Variants in ANO3 observed in about 807,000 individuals in gnomAD.
The protein encoded by ANO3 is anoctamin-3.
A neutral mutation model predicts 144.8 loss-of-function variants in ANO3; 99 were observed. The observed-to-expected ratio is 0.68, with a 90% CI of 0.58 to 0.81. ANO3 has a LOEUF of 0.81. Ranked by LOEUF, ANO3 falls within the 30% of genes least tolerant of loss-of-function variation. The pLI is 0.00. For missense variants in ANO3, 905 were observed against 1,202.2 expected (o/e 0.75, Z 3.66); for synonymous variants, 414 against 392.6 (o/e 1.05, Z -0.64).
chr11:26,627,219 G>T (rs947354562), intron 18 of ANO3, among the ~76,000 whole-genome samples: 1 of 151,956 alleles, frequency 6.6e-6, no homozygotes, highest in Admixed American at 6.6e-5. Context: ...GTTGGATATA[G>T]CAATGAACAT....
intron 1 of ANO3, among the ~76,000 whole-genome samples, chr11:26,422,538 T>C (rs1857783018): frequency 6.6e-6 from 1 of 152,004 alleles, no homozygotes; most frequent in African/African-American, 2.4e-5. Flanking sequence ...TTGCATTAAA[T>C]GTTACTTTAG....
intron 1 of ANO3, among the ~76,000 whole-genome samples, chr11:26,436,005 A>ATG (rs892049737): frequency 6.6e-6 from 1 of 151,824 alleles, no homozygotes; most frequent in African/African-American, 2.4e-5. Flanking sequence ...GTTCTTTCTT[A>ATG]TGTGTGTGTG....
chr11:26,443,717 G>A (rs1858609291), intron 2 of ANO3, 48 bp from the exon 3 acceptor site: 1 of 982,996 alleles, frequency 1.0e-6, no homozygotes. Context: ...TTTTTCTGTT[G>A]TTATGCTTTT....
At chr11:26,577,786 A>G (rs925782854) in intron 14 of ANO3, among the ~76,000 whole-genome samples, 2 of 152,202 alleles carry the variant, frequency 1.3e-5, no homozygotes, top group Non-Finnish European at 2.9e-5. Flanking sequence ...ACAAACTGAA[A>G]CAAGAGCTAG....
chr11:26,594,977 G>A (rs926061541), intron 14 of ANO3, among the ~76,000 whole-genome samples: 1 of 152,092 alleles, frequency 6.6e-6, no homozygotes, highest in Non-Finnish European at 1.5e-5. Context: ...TAGCGTATGA[G>A]GGTCAAATTG....
At chr11:26,228,337 T>C (rs1852299541) in intron 1 of ANO3, among the ~76,000 whole-genome samples, 1 of 152,238 alleles carries the variant, frequency 6.6e-6, no homozygotes, top group African/African-American at 2.4e-5. Flanking sequence ...AGTTTTAAAA[T>C]TGGACTGGCA....
At chr11:26,350,194 G>T (rs1855607801) in intron 1 of ANO3, among the ~76,000 whole-genome samples, 1 of 152,098 alleles carries the variant, frequency 6.6e-6, no homozygotes, top group African/African-American at 2.4e-5. Context: ...TCTTTAGGAG[G>T]ACTGTGGGTA....
At chr11:26,488,732 A>G (rs995329353) in intron 4 of ANO3, among the ~76,000 whole-genome samples, 1 of 152,194 alleles carries the variant, frequency 6.6e-6, no homozygotes, top group African/African-American at 2.4e-5. Flanking sequence ...TACAGCTTGT[A>G]AAGGTAGTGT....
At chr11:26,413,213 A>C (rs1238876592) in intron 1 of ANO3, among the ~76,000 whole-genome samples, 1 of 152,038 alleles carries the variant, frequency 6.6e-6, no homozygotes, top group East Asian at 1.9e-4. Flanking sequence ...GAAATGAAGG[A>C]AACGCTGCCT....
At chr11:26,436,860 T>C (rs557641059) in intron 1 of ANO3, among the ~76,000 whole-genome samples, 2 of 152,180 alleles carry the variant, frequency 1.3e-5, no homozygotes, top group South Asian at 4.2e-4. Flanking sequence ...GGGGTGGTTA[T>C]AGACCTCAGT....
chr11:26,298,609 A>G (rs963985741), intron 1 of ANO3, among the ~76,000 whole-genome samples: 7 of 152,262 alleles, frequency 4.6e-5, no homozygotes, highest in African/African-American at 1.7e-4. Context: ...TAAACAAAGG[A>G]GTTGTATTAG....
intron 8 of ANO3, 124 bp from the exon 9 acceptor site, chr11:26,534,332 T>G (rs1849448994): frequency 1.8e-6 from 1 of 552,518 alleles, no homozygotes; most frequent in Non-Finnish European, 3.2e-6. Flanking sequence ...AATTTTTTTT[T>G]AAAGAGGATG....
intron 24 of ANO3, 94 bp downstream of exon 24, chr11:26,647,950 G>T: frequency 8.0e-7 from 1 of 1,242,690 alleles, no homozygotes; most frequent in East Asian, 2.5e-5. Flanking sequence ...ACCATTAAGG[G>T]TGGTGTTTCT....
chr11:26,564,722 CACACACACACATATATATATATATATAT>C lies in ANO3; in HGVS notation c.1447+4945_1447+4972del, dbSNP rs1478249311. On this transcript the variant is annotated intron_variant, in intron 14 of 26. Transcript: ENST00000256737. Reference sequence around the variant, plus strand: ...ACACACACACACACACACACACACACACACACACACATATATATATATATATATATATATATATATATATATATATATA... The same window carrying C: ...ACACACACACACACACACACACACACATATATATATATATATATATATATA... Among the ~76,000 whole-genome samples the C allele has an allele frequency of 9.6e-3, 643 of 66,820 alleles. 2 individuals are homozygous for C. The highest frequency in any genetic ancestry group is 0.024 in the Middle Eastern group (3 of 124). The allele number at this position is 66,820 out of a possible 152,430, so 43.8% of individuals were successfully genotyped here.
intron 1 of ANO3, among the ~76,000 whole-genome samples, chr11:26,435,860 C>T (rs1590356608): frequency 6.6e-6 from 1 of 152,048 alleles, no homozygotes; most frequent in East Asian, 1.9e-4. Context: ...GATCTTTGTT[C>T]TTGTTCATAT....
intron 1 of ANO3, among the ~76,000 whole-genome samples, chr11:26,370,259 C>T (rs1030165658): frequency 3.3e-5 from 5 of 152,224 alleles, no homozygotes; most frequent in Non-Finnish European, 5.9e-5. Context: ...ATGGGGCTTT[C>T]GCCTTCGCTC....
At chr11:26,258,243 A>C (rs1426213194) in intron 1 of ANO3, among the ~76,000 whole-genome samples, 2 of 152,174 alleles carry the variant, frequency 1.3e-5, no homozygotes, top group South Asian at 2.1e-4. Flanking sequence ...TGACTCTTTT[A>C]TATGGATCTG....
At chr11:26,302,686 A>G (rs1377780720) in intron 1 of ANO3, among the ~76,000 whole-genome samples, 1 of 152,206 alleles carries the variant, frequency 6.6e-6, no homozygotes, top group East Asian at 1.9e-4. Context: ...ACACAGAGAA[A>G]GAAATAACAT....
chr11:26,438,609 GAA>G lies in ANO3; in HGVS notation c.47-3295_47-3294del, dbSNP rs1222012718. Among the ~76,000 whole-genome samples, 70 of 73,310 alleles carry G rather than the reference GAA, an allele frequency of 9.5e-4. 1 individual carries two copies. The highest frequency in any genetic ancestry group is 1.7e-3 in the African/African-American group (31 of 18,708). The allele number at this position is 73,310 out of a possible 152,430, so 48.1% of individuals were successfully genotyped here. ...TAAAAATACAAAAAAAAAAAAAAAA[GAA>G]AAAAAAAAAAAAAGAAAATAGCCAG... On this transcript the variant is annotated intron_variant, in intron 1 of 26. Coordinates refer to ENST00000256737, the MANE Select transcript of ANO3 (RefSeq NM_031418.4).
Sources: allele counts gnomAD v4.1 joint callset (sites outside exome capture counted in the v4.1 genomes callset), GRCh38; gene constraint gnomAD v4.1.1; transcripts MANE v1.5; gene names NCBI Gene and HGNC (gene_info 2026-07-23, HGNC 2026-07-21).